DPY19L3: variants seen among roughly 807,000 people sequenced by gnomAD.
The protein encoded by DPY19L3 is dpy-19 like C-mannosyltransferase 3.
In DPY19L3, 51 loss-of-function variants were observed where a neutral mutation model predicts 92.3. That is an observed-to-expected ratio of 0.55 (90% CI 0.44 to 0.70). The LOEUF is 0.70. DPY19L3 is among the 30% of genes least tolerant of loss of function. DPY19L3 has a pLI of 0.00. For synonymous variants in DPY19L3, 309 were observed against 315.2 expected, an observed-to-expected ratio of 0.98 and a Z score of 0.21; for missense variants, 706 against 855.9, an observed-to-expected ratio of 0.82 and a Z score of 2.18.
intron 3 of DPY19L3, among the ~76,000 whole-genome samples, chr19:32,431,334 CA>C (rs1353214159): frequency 6.6e-6 from 1 of 150,848 alleles, no homozygotes; most frequent in Admixed American, 6.6e-5. Context: ...GCCGAGATCG[CA>C]CCATTGCACT....
intron 3 of DPY19L3, among the ~76,000 whole-genome samples, chr19:32,417,400 GC>G (rs1242620118): frequency 1.3e-5 from 2 of 152,152 alleles, no homozygotes; most frequent in African/African-American, 4.8e-5. Context: ...GCTCACTGCA[GC>G]CTCCGCCTCC....
At chr19:32,445,712 C>T (rs1969476050) in intron 8 of DPY19L3, among the ~76,000 whole-genome samples, 2 of 152,020 alleles carry the variant, frequency 1.3e-5, no homozygotes, top group Non-Finnish European at 2.9e-5. Context: ...TTCTAAATTA[C>T]GTTTGAGGCT....
At chr19:32,464,816 A>G in intron 15 of DPY19L3, 32 bp downstream of exon 15, 7 of 1,402,248 alleles carry the variant, frequency 5.0e-6, no homozygotes, top group Non-Finnish European at 6.8e-6. Flanking sequence ...CTTGTCATTC[A>G]TGTATTTAGC....
chr19:32,413,690 G>A (rs1968276674), intron 3 of DPY19L3, among the ~76,000 whole-genome samples: 1 of 147,424 alleles, frequency 6.8e-6, no homozygotes, highest in African/African-American at 2.5e-5. Context: ...AGTTCTTCTT[G>A]TCAGAAGAAT....
intron 8 of DPY19L3, among the ~76,000 whole-genome samples, chr19:32,452,441 A>ATATCT (rs1339550821): frequency 2.0e-5 from 3 of 152,242 alleles, no homozygotes; most frequent in Non-Finnish European, 4.4e-5. Context: ...GTCCTAAAGT[A>ATATCT]TAGAGTATGG....
intron 8 of DPY19L3, among the ~76,000 whole-genome samples, chr19:32,444,030 G>A (rs765273665): frequency 2.3e-4 from 24 of 103,948 alleles, no homozygotes; most frequent in Non-Finnish European, 3.9e-4. Context: ...GCAAGACTCT[G>A]TCTCAAAAAA....
chr19:32,435,764 A>C (rs1482734654), intron 4 of DPY19L3, among the ~76,000 whole-genome samples: 1 of 152,176 alleles, frequency 6.6e-6, no homozygotes, highest in Non-Finnish European at 1.5e-5. Flanking sequence ...TCTGTGAACT[A>C]TCCATTCATG....
intron 8 of DPY19L3, among the ~76,000 whole-genome samples, chr19:32,448,813 G>A (rs912506735): frequency 1.3e-5 from 2 of 152,072 alleles, no homozygotes; most frequent in African/African-American, 4.8e-5. Flanking sequence ...ATACTGTACT[G>A]TACTAATAGA....
intron 3 of DPY19L3, among the ~76,000 whole-genome samples, chr19:32,420,690 TC>T (rs944720043): frequency 1.5e-4 from 23 of 152,276 alleles, no homozygotes; most frequent in Admixed American, 1.3e-3. Context: ...CCTCAGGTGT[TC>T]CGCCCATCTC....
In DPY19L3 at chr19:32,428,462, A is replaced by G. The variant is rs532433307; in HGVS notation, c.238-4254A>G. Among the ~76,000 whole-genome samples the G allele has an allele frequency of 1.2e-4, 18 of 152,270 alleles. No homozygotes were observed. In the South Asian group the frequency reaches 1.2e-3, roughly 11 times the overall value. Reference sequence around the variant, plus strand: ...TCTAGTACATCATGGGTGAGTAGGAATAGGCAGCCAAGGAGCGGATTGGGG... The same window carrying G: ...TCTAGTACATCATGGGTGAGTAGGAGTAGGCAGCCAAGGAGCGGATTGGGG... On this transcript the variant is annotated intron_variant, in intron 3 of 18. Coordinates refer to ENST00000392250, the MANE Select transcript of DPY19L3 (RefSeq NM_001172774.2).
At position 32,437,317 on chromosome 19, in the gene DPY19L3, G is replaced by C; in HGVS notation, c.574G>C (p.Ala192Pro). 6.2e-7 allele frequency: 1 copy of C among 1,613,768 alleles called. No homozygotes were observed. Among genetic ancestry groups the C allele is most frequent in the South Asian group, 1.1e-5 (1 of 91,046 alleles). The change falls in exon 6 of 19, where the codon GCT (alanine) becomes CCT (proline). Residue 192 changes from alanine to proline, a missense_variant. By Grantham distance (27) the Ala-to-Pro change is conservative. Coordinates refer to ENST00000392250, the MANE Select transcript of DPY19L3 (RefSeq NM_001172774.2). ...SGTWLSGLLA[A>P]FWYVTNRIDT... ...TACATGGCTGTCAGGACTGTTGGCAGCTTTCTGGTATGTCACAAATAGGTG... is the reference window on the plus strand; with the variant it reads ...TACATGGCTGTCAGGACTGTTGGCACCTTTCTGGTATGTCACAAATAGGTG...
intron 10 of DPY19L3, among the ~76,000 whole-genome samples, chr19:32,457,387 T>C (rs77020081): frequency 2.2e-3 from 334 of 152,324 alleles, no homozygotes; most frequent in Middle Eastern, 3.4e-3. Context: ...CCTGTTTGCA[T>C]TTGCTGCTGG....
At chr19:32,439,580 G>A (rs923929693) in intron 7 of DPY19L3, among the ~76,000 whole-genome samples, 196 bp from the exon 8 acceptor site, 4 of 152,122 alleles carry the variant, frequency 2.6e-5, no homozygotes, top group Admixed American at 2.0e-4. Context: ...TACACACACC[G>A]TATGTGAATA....
At chr19:32,453,340 C>A in intron 9 of DPY19L3, 64 bp downstream of exon 9, 1 of 1,476,832 alleles carries the variant, frequency 6.8e-7, no homozygotes, top group South Asian at 1.3e-5. Flanking sequence ...TTTATTGAAC[C>A]TTATTTTCAC....
intron 8 of DPY19L3, among the ~76,000 whole-genome samples, chr19:32,452,807 T>C (rs1444630823): frequency 6.6e-6 from 1 of 151,626 alleles, no homozygotes; most frequent in Non-Finnish European, 1.5e-5. Context: ...GATTCTCCTG[T>C]CTCAGCCTCC....
chr19:32,466,468 C>T (rs531412252), intron 15 of DPY19L3, among the ~76,000 whole-genome samples: 4 of 152,324 alleles, frequency 2.6e-5, no homozygotes, highest in African/African-American at 7.2e-5. Context: ...GGGGCGGGGG[C>T]GGTCCTGTGT....
chr19:32,408,465 G>A lies in DPY19L3; in HGVS notation c.103+109G>A, dbSNP rs1968060716. The A allele has an allele frequency of 5.8e-6, 4 of 692,896 alleles. No homozygotes were observed. In the Admixed American group the frequency reaches 8.4e-5, roughly 15 times the overall value. 42.9% of individuals were successfully genotyped at this position (692,896 alleles called of 1,614,324 possible). A position where few individuals can be genotyped will look rare whatever the true frequency, so the allele number is the denominator to read the frequency against. Reference sequence around the variant, plus strand: ...TGGTGGGACCTAACAATTGAAACTTGTTGTAGTACCCTGATATTCTAATTG... The same window carrying A: ...TGGTGGGACCTAACAATTGAAACTTATTGTAGTACCCTGATATTCTAATTG... On this transcript the variant is annotated intron_variant, in intron 2 of 18. Transcript: ENST00000392250.
intron 8 of DPY19L3, 47 bp from the exon 9 acceptor site, chr19:32,453,098 A>T (rs764017568): frequency 6.2e-7 from 1 of 1,607,430 alleles, no homozygotes; most frequent in Middle Eastern, 1.7e-4. Context: ...ACATGTGATG[A>T]TCTCTTGGTA....
chr19:32,468,989 G>C lies in DPY19L3; in HGVS notation c.1697+176G>C, dbSNP rs1462765109. On this transcript the variant is annotated intron_variant, in intron 16 of 18. Coordinates refer to ENST00000392250, the MANE Select transcript of DPY19L3 (RefSeq NM_001172774.2). Reference sequence around the variant, plus strand: ...TTGAAAATAATGTCTTTCTATTTAAGAAATATTCTCTCCAGCTATATCTCA... The same window carrying C: ...TTGAAAATAATGTCTTTCTATTTAACAAATATTCTCTCCAGCTATATCTCA... 7.8e-6 allele frequency: 4 copies of C among 513,980 alleles called. No individual in the cohort carries two copies. In the Admixed American group the frequency reaches 1.6e-4, roughly 21 times the overall value. The allele number at this position is 513,980 out of a possible 1,614,324, so 31.8% of individuals were successfully genotyped here.
Sources: gnomAD v4.1 joint callset for allele counts (sites outside exome capture counted in the v4.1 genomes callset) on GRCh38, gnomAD v4.1.1 for gene constraint, MANE v1.5 for transcripts, NCBI Gene and HGNC (gene_info 2026-07-23, HGNC 2026-07-21) for gene names.